ADAM22: variants seen among roughly 807,000 people sequenced by gnomAD.
ADAM22 encodes the protein disintegrin and metalloproteinase domain-containing protein 22.
In ADAM22, 65 loss-of-function variants were observed where a neutral mutation model predicts 144.6. The ratio of observed to expected loss-of-function variants is 0.45; its 90% CI spans 0.37 to 0.55. ADAM22 has a LOEUF of 0.55. ADAM22 is among the 20% of genes least tolerant of loss of function. The pLI is 0.00. For synonymous variants in ADAM22, 391 were observed against 412.6 expected, an observed-to-expected ratio of 0.95 and a Z score of 0.63; for missense variants, 974 against 1,184.9, an observed-to-expected ratio of 0.82 and a Z score of 2.61.
At chr7:88,060,566 C>T (rs766061191) in intron 3 of ADAM22, among the ~76,000 whole-genome samples, 4 of 148,738 alleles carry the variant, frequency 2.7e-5, no homozygotes, top group Admixed American at 1.3e-4. Context: ...GTTAGGAGAT[C>T]GAAACCATCC....
At chr7:88,097,151 CTTTTT>C (rs1169759079) in intron 4 of ADAM22, among the ~76,000 whole-genome samples, 5 of 129,214 alleles carry the variant, frequency 3.9e-5, no homozygotes, top group African/African-American at 1.1e-4. Flanking sequence ...TTTTTCTTTT[CTTTTT>C]TTTTTTTTTT....
intron 3 of ADAM22, among the ~76,000 whole-genome samples, chr7:87,986,321 C>T (rs1039177871): frequency 2.0e-5 from 3 of 152,146 alleles, no homozygotes; most frequent in African/African-American, 7.2e-5. Flanking sequence ...CTCTTGTGCT[C>T]AGCCCAGGGT....
chr7:88,085,211 C>T (rs562951444), intron 4 of ADAM22, among the ~76,000 whole-genome samples: 2 of 152,172 alleles, frequency 1.3e-5, no homozygotes, highest in South Asian at 4.1e-4. Context: ...TCTCTTGGGA[C>T]TGAAGTAAAT....
intron 2 of ADAM22, among the ~76,000 whole-genome samples, chr7:87,953,699 T>C (rs1845834808): frequency 6.6e-6 from 1 of 151,928 alleles, no homozygotes; most frequent in Admixed American, 6.6e-5. Flanking sequence ...GGTATCCTTG[T>C]TAAATTTCTG....
chr7:88,032,815 G>A (rs182634985), intron 3 of ADAM22, among the ~76,000 whole-genome samples: 11 of 152,272 alleles, frequency 7.2e-5, no homozygotes, highest in Admixed American at 6.5e-4. Context: ...ACAAAATCTG[G>A]TTGTTTGTAA....
intron 3 of ADAM22, among the ~76,000 whole-genome samples, chr7:88,031,397 T>C (rs924528474): frequency 7.2e-5 from 11 of 152,176 alleles, no homozygotes; most frequent in Admixed American, 5.9e-4. Flanking sequence ...CTGATAGTGA[T>C]ATGGACAATG....
At chr7:88,089,894 G>A (rs1010076957) in intron 4 of ADAM22, 1 of 152,136 alleles carries the variant, frequency 6.6e-6, no homozygotes, top group Non-Finnish European at 1.5e-5. Context: ...CCGGCTGATG[G>A]GCAGAGTGTC....
chr7:88,076,805 T>G (rs979744238), intron 4 of ADAM22, among the ~76,000 whole-genome samples: 2 of 152,214 alleles, frequency 1.3e-5, no homozygotes, highest in Non-Finnish European at 1.5e-5. Context: ...TTTGGCCAAG[T>G]GTTTATTTTC....
chr7:87,984,079 T>G (rs1854352097), intron 3 of ADAM22, among the ~76,000 whole-genome samples: 1 of 152,198 alleles, frequency 6.6e-6, no homozygotes, highest in Non-Finnish European at 1.5e-5. Flanking sequence ...CTTCTCTGGT[T>G]GTGACTATAA....
intron 4 of ADAM22, among the ~76,000 whole-genome samples, chr7:88,078,007 G>T (rs1815165488): frequency 6.6e-6 from 1 of 152,206 alleles, no homozygotes; most frequent in African/African-American, 2.4e-5. Context: ...GGTTCTCCTA[G>T]CACGCAGCTT....
intron 3 of ADAM22, among the ~76,000 whole-genome samples, chr7:88,074,495 T>C (rs1813674895): frequency 6.6e-6 from 1 of 152,246 alleles, no homozygotes; most frequent in Non-Finnish European, 1.5e-5. Flanking sequence ...ATTTATATTA[T>C]GCTAGACCTG....
At chr7:88,151,432 A>C in intron 20 of ADAM22, 112 bp downstream of exon 20, 1 of 1,216,162 alleles carries the variant, frequency 8.2e-7, no homozygotes, top group Non-Finnish European at 1.2e-6. Context: ...GGGGATTCTC[A>C]AAGCTACCAC....
intron 8 of ADAM22, 87 bp downstream of exon 8, chr7:88,125,746 GGTGA>G (rs1830259858): frequency 1.8e-6 from 2 of 1,115,436 alleles, no homozygotes; most frequent in South Asian, 3.4e-5. Flanking sequence ...TGTGTGAGAG[GGTGA>G]GTATTAGTTT....
chr7:88,015,705 C>T (rs1466742055), intron 3 of ADAM22, among the ~76,000 whole-genome samples: 1 of 152,136 alleles, frequency 6.6e-6, no homozygotes, highest in Non-Finnish European at 1.5e-5. Flanking sequence ...TTGGATTTTT[C>T]TTGGATGCCC....
intron 3 of ADAM22, among the ~76,000 whole-genome samples, chr7:88,029,877 CCTG>C (rs1307337421): frequency 6.7e-6 from 1 of 150,020 alleles, no homozygotes; most frequent in African/African-American, 2.4e-5. Context: ...TTTTTTTTCT[CCTG>C]CTACTTTTAG....
chr7:88,137,929 A>G (rs762997009), intron 14 of ADAM22, among the ~76,000 whole-genome samples: 2 of 152,134 alleles, frequency 1.3e-5, no homozygotes, highest in Non-Finnish European at 2.9e-5. Context: ...TGAGGCAGGC[A>G]GATCACTTGA....
intron 2 of ADAM22, among the ~76,000 whole-genome samples, chr7:87,958,805 G>A (rs1847392848): frequency 6.6e-6 from 1 of 151,916 alleles, no homozygotes; most frequent in Non-Finnish European, 1.5e-5. Flanking sequence ...CTTTTGACTG[G>A]CCTATTATGC....
chr7:88,040,200 T>C (rs1169489753), intron 3 of ADAM22, among the ~76,000 whole-genome samples: 3 of 151,980 alleles, frequency 2.0e-5, no homozygotes, highest in Admixed American at 6.5e-5. Context: ...GGTACAATCT[T>C]GGCTCACTAC....
chr7:88,132,756 T>C, intron 11 of ADAM22, 111 bp from the exon 12 acceptor site: 2 of 793,548 alleles, frequency 2.5e-6, no homozygotes, highest in Non-Finnish European at 4.0e-6. Context: ...TGTGAATATA[T>C]TGTATAGAAA....
Sources: gnomAD v4.1 joint callset for allele counts (sites outside exome capture counted in the v4.1 genomes callset) on GRCh38, gnomAD v4.1.1 for gene constraint, MANE v1.5 for transcripts, NCBI Gene and HGNC (gene_info 2026-07-23, HGNC 2026-07-21) for gene names.